The following JMJD1C variants were observed in gnomAD, a reference collection of about 807,000 sequenced individuals.
The protein encoded by JMJD1C is jumonji domain containing 1C, also known as jumonji domain-containing protein 1C.
A neutral mutation model predicts 245.3 loss-of-function variants in JMJD1C; 31 were observed. The ratio of observed to expected loss-of-function variants is 0.13; its 90% confidence interval spans 0.09 to 0.17. The LOEUF (loss-of-function observed/expected upper bound fraction) is 0.17. Ranked by LOEUF, JMJD1C falls within the 10% of genes least tolerant of loss-of-function variation. The pLI, the probability that JMJD1C is intolerant of heterozygous loss-of-function variation, is 1.00. For missense variants in JMJD1C, 2,691 were observed against 3,000.2 expected (o/e 0.90, Z 2.41); for synonymous variants, 1,057 against 1,017.4 (o/e 1.04, Z -0.74).
chr10:63,479,886 A>G (rs1295753027), intron 1 of JMJD1C, among the ~76,000 whole-genome samples: 1 of 152,182 alleles, frequency 6.6e-6, no homozygotes, highest in Non-Finnish European at 1.5e-5. Flanking sequence ...TTCTACTTTG[A>G]AAGATTCAGA....
At position 63,193,530 on chromosome 10, in the gene JMJD1C, A is replaced by C. The variant is rs192638331; in HGVS notation, c.5735-58T>G. 415 of 1,283,780 alleles carry C rather than the reference A, an allele frequency of 3.2e-4. 2 individuals are homozygous for C. The African/African-American group carries it at 5.9e-3, about 18-fold the overall frequency. The allele number at this position is 1,283,780 out of a possible 1,614,324, so 79.5% of individuals were successfully genotyped here. ...TACCACTAGTTGTTAATGCTGTAAA[A>C]TTTTTTTCTTACAATATTTTGTATT... is the stretch of plus-strand genomic sequence containing the variant. On this transcript the variant is annotated intron_variant, in intron 14 of 25. Coordinates refer to ENST00000399262, the MANE Select transcript of JMJD1C (RefSeq NM_032776.3).
At chr10:63,501,515 C>T (rs1954559151) in intron 1 of JMJD1C, among the ~76,000 whole-genome samples, 1 of 152,146 alleles carries the variant, frequency 6.6e-6, no homozygotes, top group African/African-American at 2.4e-5. Flanking sequence ...CGGTGGCTCA[C>T]GCCTGTAATC....
At chr10:63,175,728 TC>T (rs776404868) in intron 24 of JMJD1C, among the ~76,000 whole-genome samples, 4 of 152,176 alleles carry the variant, frequency 2.6e-5, no homozygotes, top group Non-Finnish European at 5.9e-5. Flanking sequence ...GTAGCCCCAT[TC>T]CACCTATAGG....
chr10:63,189,454 G>C lies in JMJD1C; in HGVS notation c.6292-8C>G. On this transcript the variant is annotated splice_region_variant and splice_polypyrimidine_tract_variant and intron_variant, in intron 17 of 25. Coordinates refer to ENST00000399262, the MANE Select transcript of JMJD1C (RefSeq NM_032776.3). ...CCGTCCACTTTTGCTACTCTATTAA[G>C]GAAAAAACAAAACAAAAAAAACCTG... 1 of 1,572,272 alleles carries C rather than the reference G, an allele frequency of 6.4e-7. No homozygotes were observed. Among genetic ancestry groups the C allele is most frequent in the Non-Finnish European group, 8.6e-7 (1 of 1,165,306 alleles).
At chr10:63,327,859 G>A (rs1217619037) in intron 2 of JMJD1C, among the ~76,000 whole-genome samples, 4 of 151,830 alleles carry the variant, frequency 2.6e-5, no homozygotes, top group African/African-American at 4.8e-5. Context: ...TAGTAGAGAC[G>A]GGGTTTTTCC....
At chr10:63,352,750 G>A (rs1177633381) in intron 2 of JMJD1C, among the ~76,000 whole-genome samples, 1 of 152,086 alleles carries the variant, frequency 6.6e-6, no homozygotes, top group African/African-American at 2.4e-5. Flanking sequence ...CTGAACAAGA[G>A]AGGTTTGAAA....
At position 63,200,556 on chromosome 10, in the gene JMJD1C, T is replaced by C; in HGVS notation, c.5196A>G (p.Arg1732=). ...TTTTACTGCGAATAAGTCTACATTCTCGACACTTTTGTAAATTAGGCCCTA... is the reference window on the plus strand; with the variant it reads ...TTTTACTGCGAATAAGTCTACATTCCCGACACTTTTGTAAATTAGGCCCTA... The part of the protein sequence containing the change: ...CEIGPNLQKC[R]ECRLIRSKKG... Residue 1732 remains arginine (R), a synonymous_variant, in exon 11 of 26, where the codon CGA becomes CGG. Coordinates refer to ENST00000399262, the MANE Select transcript of JMJD1C (RefSeq NM_032776.3). 1 of 1,614,032 alleles carries C rather than the reference T, an allele frequency of 6.2e-7. No homozygotes were observed. Among genetic ancestry groups the C allele is most frequent in the Non-Finnish European group, 8.5e-7 (1 of 1,179,940 alleles).
chr10:63,236,477 C>T (rs1326068149), intron 3 of JMJD1C, among the ~76,000 whole-genome samples: 1 of 152,096 alleles, frequency 6.6e-6, no homozygotes, highest in Non-Finnish European at 1.5e-5. Context: ...CTTTTTATGG[C>T]AGTTCAAAAG....
intron 1 of JMJD1C, among the ~76,000 whole-genome samples, chr10:63,490,168 A>G (rs1166246726): frequency 4.6e-5 from 7 of 152,132 alleles, no homozygotes; most frequent in Admixed American, 4.6e-4. Context: ...CCACTGTTCT[A>G]CACCTCAGAT....
At chr10:63,476,665 G>A (rs752272746) in intron 1 of JMJD1C, among the ~76,000 whole-genome samples, 1 of 152,134 alleles carries the variant, frequency 6.6e-6, no homozygotes, top group Non-Finnish European at 1.5e-5. Flanking sequence ...GAAGATCAAC[G>A]CTGCAGTGAG....
intron 3 of JMJD1C, among the ~76,000 whole-genome samples, chr10:63,220,401 A>AAT (rs1848464372): frequency 6.6e-6 from 1 of 152,188 alleles, no homozygotes; most frequent in South Asian, 2.1e-4. Flanking sequence ...ACCTTCCCAT[A>AAT]ATACTTAACC....
intron 2 of JMJD1C, among the ~76,000 whole-genome samples, chr10:63,281,162 G>A (rs1440926580): frequency 1.5e-5 from 2 of 132,510 alleles, no homozygotes; most frequent in Non-Finnish European, 1.5e-5. Flanking sequence ...ATGGAGTCTC[G>A]CTCGCTCTGT....
At chr10:63,407,299 T>C (rs1564887682) in intron 1 of JMJD1C, among the ~76,000 whole-genome samples, 1 of 152,132 alleles carries the variant, frequency 6.6e-6, no homozygotes, top group African/African-American at 2.4e-5. Flanking sequence ...AGGGCAGAGA[T>C]TACCATTGAA....
At chr10:63,473,754 T>C (rs1953568002) in intron 1 of JMJD1C, among the ~76,000 whole-genome samples, 1 of 151,960 alleles carries the variant, frequency 6.6e-6, no homozygotes, top group Admixed American at 6.6e-5. Flanking sequence ...CTGAAATACA[T>C]ACTTGGGGCC....
intron 1 of JMJD1C, among the ~76,000 whole-genome samples, chr10:63,506,524 C>G (rs1954722202): frequency 6.6e-6 from 1 of 152,192 alleles, no homozygotes; most frequent in South Asian, 2.1e-4. Context: ...ATTTTCCTGG[C>G]CACCTGGAAA....
intron 2 of JMJD1C, among the ~76,000 whole-genome samples, chr10:63,323,346 A>G (rs1192790341): frequency 1.3e-5 from 2 of 152,186 alleles, no homozygotes; most frequent in African/African-American, 2.4e-5. Context: ...CAACATGGTG[A>G]AATCCCACCT....
chr10:63,170,456 G>GT (rs1842242643), intron 24 of JMJD1C, among the ~76,000 whole-genome samples: 1 of 152,166 alleles, frequency 6.6e-6, no homozygotes, highest in Admixed American at 6.6e-5. Flanking sequence ...TTTCCAAACT[G>GT]TTTTTGCAAA....
At chr10:63,371,197 G>C (rs1946289708) in intron 2 of JMJD1C, among the ~76,000 whole-genome samples, 1 of 151,264 alleles carries the variant, frequency 6.6e-6, no homozygotes, top group African/African-American at 2.4e-5. Context: ...GCCCTGGCTG[G>C]TCTTGAACTC....
At chr10:63,518,391 G>C (rs752288603) in intron 1 of JMJD1C, among the ~76,000 whole-genome samples, 1 of 152,136 alleles carries the variant, frequency 6.6e-6, no homozygotes, top group Non-Finnish European at 1.5e-5. Context: ...CCCTAAATAA[G>C]AGTGGAAAAG....
Sources: gnomAD v4.1 joint callset for allele counts (sites outside exome capture counted in the v4.1 genomes callset) on GRCh38, gnomAD v4.1.1 for gene constraint, MANE v1.5 for transcripts, NCBI Gene and HGNC (gene_info 2026-07-23, HGNC 2026-07-21) for gene names.